TMEM132B: variants seen among roughly 807,000 people sequenced by gnomAD.
TMEM132B encodes the protein transmembrane protein 132B.
Under a neutral mutation model 90.8 loss-of-function variants are expected in TMEM132B, and 18 were observed. The observed-to-expected ratio is 0.20, with a 90% CI of 0.14 to 0.29. The LOEUF (loss-of-function observed/expected upper bound fraction) is 0.29. Among genes scored for constraint, TMEM132B ranks in the 10% least tolerant of loss-of-function variants. The pLI is 1.00. For synonymous variants in TMEM132B, 504 were observed against 523.3 expected (o/e 0.96, Z 0.50); for missense variants, 1,096 against 1,326.8 (o/e 0.83, Z 2.70).
At chr12:125,382,388 T>G (rs1878712525) in intron 2 of TMEM132B, among the ~76,000 whole-genome samples, 1 of 152,340 alleles carries the variant, frequency 6.6e-6, no homozygotes, top group Non-Finnish European at 1.5e-5. Flanking sequence ...ATGATGATTC[T>G]GAACAGGATG....
intron 3 of TMEM132B, among the ~76,000 whole-genome samples, chr12:125,497,724 A>T (rs2136586976): frequency 6.6e-6 from 1 of 152,166 alleles, no homozygotes; most frequent in East Asian, 1.9e-4. Context: ...ACTTTAATTG[A>T]TTTCTGAGAT....
At chr12:125,488,122 G>A (rs1389106126) in intron 3 of TMEM132B, among the ~76,000 whole-genome samples, 3 of 152,066 alleles carry the variant, frequency 2.0e-5, no homozygotes, top group African/African-American at 7.2e-5. Flanking sequence ...GAAATAGAAG[G>A]AAACTTCTTA....
intron 3 of TMEM132B, among the ~76,000 whole-genome samples, chr12:125,479,480 G>T (rs1881982398): frequency 6.6e-6 from 1 of 152,156 alleles, no homozygotes; most frequent in Non-Finnish European, 1.5e-5. Flanking sequence ...TGATAAAACA[G>T]ACTTTAAGCC....
At chr12:125,432,387 ATATATATATATG>A (rs1455141245) in intron 3 of TMEM132B, among the ~76,000 whole-genome samples, 1 of 53,742 alleles carries the variant, frequency 1.9e-5, no homozygotes, top group Non-Finnish European at 3.3e-5. Context: ...ATATATATAT[ATATATATATATG>A]TATGTATGTG....
chr12:125,578,325 T>C (rs1593002923), intron 4 of TMEM132B, among the ~76,000 whole-genome samples: 2 of 152,300 alleles, frequency 1.3e-5, no homozygotes, highest in East Asian at 3.9e-4. Context: ...ATTTTCTTGT[T>C]GATTGACTCA....
At chr12:125,577,602 A>G (rs1884968886) in intron 4 of TMEM132B, among the ~76,000 whole-genome samples, 1 of 150,668 alleles carries the variant, frequency 6.6e-6, no homozygotes, top group African/African-American at 2.4e-5. Context: ...ACTATACTTA[A>G]CATTTTTTCT....
Position 125,583,989 on chromosome 12 carries a change from A to C in TMEM132B, c.1432A>C (p.Ile478Leu). 1 of 1,614,152 alleles carries C rather than the reference A, an allele frequency of 6.2e-7. No homozygotes were observed. The highest frequency in any genetic ancestry group is 1.7e-5 in the Admixed American group (1 of 60,022). ...VECKSADEDV[I>L]KVSNNCDSIF... ...ATGCAAGTCTGCCGATGAAGATGTCATTAAGGTAAGGGGGGATTTATCTAC... is the reference window on the plus strand; with the variant it reads ...ATGCAAGTCTGCCGATGAAGATGTCCTTAAGGTAAGGGGGGATTTATCTAC... Residue 478 changes from isoleucine to leucine, a missense_variant, in exon 5 of 9, where the codon ATT becomes CTT. Transcript: ENST00000682704.
intron 1 of TMEM132B, among the ~76,000 whole-genome samples, chr12:125,309,935 C>G (rs1876084315): frequency 6.6e-6 from 1 of 152,154 alleles, no homozygotes; most frequent in Admixed American, 6.5e-5. Flanking sequence ...ACTCGAATGT[C>G]TGGGGGTTGA....
intron 1 of TMEM132B, among the ~76,000 whole-genome samples, chr12:125,283,356 T>C (rs572243353): frequency 6.6e-6 from 1 of 152,292 alleles, no homozygotes; most frequent in Non-Finnish European, 1.5e-5. Flanking sequence ...GTTGAATATG[T>C]ATTATATTCC....
chr12:125,321,084 C>T (rs1166759226), intron 1 of TMEM132B, among the ~76,000 whole-genome samples: 1 of 152,196 alleles, frequency 6.6e-6, no homozygotes, highest in Non-Finnish European at 1.5e-5. Context: ...TTGGTCTTGC[C>T]TGTCTAAATC....
chr12:125,467,628 T>C (rs11058188), intron 3 of TMEM132B, among the ~76,000 whole-genome samples: 2,813 of 152,334 alleles, frequency 0.018, 87 homozygotes, highest in African/African-American at 0.065. Flanking sequence ...CATAACATAG[T>C]TCAACATTTT....
At chr12:125,441,614 A>C (rs368489518) in intron 3 of TMEM132B, among the ~76,000 whole-genome samples, 2 of 152,180 alleles carry the variant, frequency 1.3e-5, no homozygotes, top group East Asian at 1.9e-4. Context: ...CTCCCACCCT[A>C]TTGGGGTCTG....
At chr12:125,389,254 A>G (rs937502481) in intron 2 of TMEM132B, among the ~76,000 whole-genome samples, 2 of 152,180 alleles carry the variant, frequency 1.3e-5, no homozygotes, top group Admixed American at 1.3e-4. Context: ...ATGTCAGGAT[A>G]AAGCATAATG....
At chr12:125,192,633 C>A (rs1215141438) in intron 1 of TMEM132B, among the ~76,000 whole-genome samples, 1 of 152,194 alleles carries the variant, frequency 6.6e-6, no homozygotes, top group East Asian at 1.9e-4. Context: ...GTTGAGCCAC[C>A]ATGCCTGGCT....
Position 125,302,631 on chromosome 12 carries a change from G to A in TMEM132B, c.68-46821G>A, listed in dbSNP as rs183263254. The stretch of plus-strand genomic sequence containing the variant: ...TCTGGATTTTCGGTGCTTGCAAAGA[G>A]GGCAAAAGGTGTTTTCCCCCTTCTT... On this transcript the variant is annotated intron_variant, in intron 1 of 8. Coordinates refer to ENST00000682704, the MANE Select transcript of TMEM132B (RefSeq NM_001366854.1). 8.3e-4 allele frequency among the ~76,000 whole-genome samples: 126 copies of A among 152,244 alleles called. 1 individual carries two copies. Among genetic ancestry groups the A allele is most frequent in the South Asian group, 7.3e-3 (35 of 4,810 alleles).
chr12:125,283,460 C>T (rs1431303936), intron 1 of TMEM132B, among the ~76,000 whole-genome samples: 2 of 152,116 alleles, frequency 1.3e-5, no homozygotes, highest in Admixed American at 1.3e-4. Context: ...CTCTCGCTGG[C>T]GGTCCTGGCA....
chr12:125,387,184 T>C (rs2136295575), intron 2 of TMEM132B, among the ~76,000 whole-genome samples: 1 of 152,134 alleles, frequency 6.6e-6, no homozygotes, highest in Non-Finnish European at 1.5e-5. Context: ...GGTGGGTAGA[T>C]TTGTGATCCA....
chr12:125,202,699 C>A (rs996638263), intron 1 of TMEM132B, among the ~76,000 whole-genome samples: 1 of 152,196 alleles, frequency 6.6e-6, no homozygotes, highest in Non-Finnish European at 1.5e-5. Context: ...AGGGAAGTTA[C>A]ACAAGGAGGG....
At chr12:125,645,241 A>T (rs1022860787) in intron 6 of TMEM132B, among the ~76,000 whole-genome samples, 5 of 139,454 alleles carry the variant, frequency 3.6e-5, no homozygotes, top group South Asian at 2.3e-4. Flanking sequence ...AAAAAAAAAA[A>T]GTCTCCCTCC....
Sources: allele counts gnomAD v4.1 joint callset (sites outside exome capture counted in the v4.1 genomes callset), GRCh38; gene constraint gnomAD v4.1.1; transcripts MANE v1.5; gene names NCBI Gene and HGNC (gene_info 2026-07-23, HGNC 2026-07-21).